STK24: variants seen among roughly 807,000 people sequenced by gnomAD.
STK24 encodes the protein serine/threonine kinase 24.
A neutral mutation model predicts 55.6 loss-of-function variants in STK24; 21 were observed. The ratio of observed to expected loss-of-function variants is 0.38; its 90% CI spans 0.27 to 0.54. The LOEUF is 0.54. Among genes scored for constraint, STK24 ranks in the 20% least tolerant of loss-of-function variants. STK24 has a pLI of 0.79. For synonymous variants in STK24, 200 were observed against 215.2 expected (o/e 0.93, Z 0.62); for missense variants, 383 against 538.4 (o/e 0.71, Z 2.86).
intron 1 of STK24, among the ~76,000 whole-genome samples, chr13:98,574,802 G>A (rs985522216): frequency 1.3e-5 from 2 of 152,014 alleles, no homozygotes; most frequent in Non-Finnish European, 2.9e-5. Context: ...AAGTTATTAA[G>A]GAAATGTATC....
chr13:98,478,113 T>G (rs1219533510), intron 3 of STK24, among the ~76,000 whole-genome samples: 1 of 152,188 alleles, frequency 6.6e-6, no homozygotes, highest in Non-Finnish European at 1.5e-5. Flanking sequence ...CCAGAGTGCC[T>G]CATGAGCAGC....
At chr13:98,518,221 A>T (rs1896135062) in intron 2 of STK24, among the ~76,000 whole-genome samples, 1 of 152,216 alleles carries the variant, frequency 6.6e-6, no homozygotes, top group Admixed American at 6.5e-5. Flanking sequence ...CATTTTAGTT[A>T]ATCAATGGTT....
chr13:98,465,134 G>A (rs1031392097), intron 6 of STK24, among the ~76,000 whole-genome samples: 2 of 152,188 alleles, frequency 1.3e-5, no homozygotes, highest in Non-Finnish European at 2.9e-5. Flanking sequence ...TGGCCCAAAT[G>A]GGAACAGACA....
chr13:98,470,102 A>G (rs1375530678), intron 5 of STK24, among the ~76,000 whole-genome samples: 1 of 152,206 alleles, frequency 6.6e-6, no homozygotes, highest in Non-Finnish European at 1.5e-5. Flanking sequence ...AATATAATTG[A>G]GTTTGTCTAT....
chr13:98,561,736 G>A (rs188777323), intron 1 of STK24, among the ~76,000 whole-genome samples: 1 of 151,958 alleles, frequency 6.6e-6, no homozygotes, highest in East Asian at 1.9e-4. Context: ...TAGCACTTTG[G>A]GGGAGGCAGG....
chr13:98,460,518 G>T, intron 8 of STK24, 78 bp from the exon 9 acceptor site: 1 of 1,236,638 alleles, frequency 8.1e-7, no homozygotes, highest in Non-Finnish European at 1.2e-6. Flanking sequence ...CCTCCCACCT[G>T]GACTATGGAA....
At chr13:98,476,842 C>T (rs1894396642) in intron 3 of STK24, among the ~76,000 whole-genome samples, 1 of 152,280 alleles carries the variant, frequency 6.6e-6, no homozygotes. Flanking sequence ...TCCTCACACA[C>T]TGGCCTCGCT....
rs1374221248 is a variant in STK24 at position 98,555,517 on chromosome 13, T to C, written c.42+21228A>G. Among the ~76,000 whole-genome samples the C allele has an allele frequency of 2.6e-5, 4 of 151,078 alleles. No homozygotes were observed. In the East Asian group the frequency reaches 8.0e-4, roughly 30 times the overall value. ...CGGCATGAACCCGGGAGGCGGAGCTTGCAGTGAGCCGAGATCGCACCACTG... is the reference window on the plus strand; with the variant it reads ...CGGCATGAACCCGGGAGGCGGAGCTCGCAGTGAGCCGAGATCGCACCACTG... On this transcript the variant is annotated intron_variant, in intron 1 of 10. Transcript: ENST00000539966.
At chr13:98,504,460 T>C (rs1183684098) in intron 2 of STK24, among the ~76,000 whole-genome samples, 2 of 152,220 alleles carry the variant, frequency 1.3e-5, no homozygotes, top group South Asian at 2.1e-4. Flanking sequence ...TCTCAAACAC[T>C]AGCACGAGAC....
intron 1 of STK24, among the ~76,000 whole-genome samples, chr13:98,565,741 C>G (rs1897550362): frequency 5.9e-5 from 9 of 152,116 alleles, no homozygotes; most frequent in Admixed American, 5.9e-4. Context: ...TGAACAGGAG[C>G]CAGTCAGCAG....
At chr13:98,531,038 A>C (rs1348637503) in intron 1 of STK24, among the ~76,000 whole-genome samples, 1 of 152,220 alleles carries the variant, frequency 6.6e-6, no homozygotes, top group Non-Finnish European at 1.5e-5. Context: ...TCCCCTAAGT[A>C]AGAAATCCTA....
At chr13:98,526,950 C>T (rs1896446929) in intron 1 of STK24, among the ~76,000 whole-genome samples, 1 of 152,206 alleles carries the variant, frequency 6.6e-6, no homozygotes, top group Admixed American at 6.5e-5. Context: ...CTGATACCGA[C>T]CCCATGTGAG....
At position 98,448,172 on chromosome 13, in the gene STK24, C is replaced by A; in HGVS notation, c.*5001G>T. On this transcript the variant is annotated 3_prime_UTR_variant, in exon 11 of 11. Coordinates refer to ENST00000539966, the MANE Select transcript of STK24 (RefSeq NM_001032296.4). ...TCACCTTGTGTTTCTGTAAGCGATG[C>A]CCACCAAAGTGTCAGGAGTCCGTCC... The A allele has an allele frequency of 7.3e-7, 1 of 1,361,404 alleles. No individual in the cohort carries two copies. Among genetic ancestry groups the A allele is most frequent in the Non-Finnish European group, 1.1e-6 (1 of 952,226 alleles). The allele number at this position is 1,361,404 out of a possible 1,614,324, so 84.3% of individuals were successfully genotyped here. A position where few individuals can be genotyped will look rare whatever the true frequency, so the allele number is the denominator to read the frequency against.
chr13:98,527,792 C>T (rs1360920345), intron 1 of STK24, among the ~76,000 whole-genome samples: 3 of 152,130 alleles, frequency 2.0e-5, no homozygotes, highest in African/African-American at 7.2e-5. Context: ...CCAGCGGCCA[C>T]GGGAGACCAG....
chr13:98,525,661 G>A (rs1420658687), intron 1 of STK24, among the ~76,000 whole-genome samples: 1 of 152,196 alleles, frequency 6.6e-6, no homozygotes, highest in Non-Finnish European at 1.5e-5. Context: ...GAAGCACAAG[G>A]GAGTGACTTC....
chr13:98,514,944 A>C (rs1896003989), intron 2 of STK24, among the ~76,000 whole-genome samples: 1 of 152,096 alleles, frequency 6.6e-6, no homozygotes, highest in African/African-American at 2.4e-5. Flanking sequence ...GTAATCATGG[A>C]AGTATATCTG....
rs552482102 is a variant in STK24, at chr13:98,541,838, C to G, written c.43-22365G>C. On this transcript the variant is annotated intron_variant, in intron 1 of 10. Coordinates refer to ENST00000539966, the MANE Select transcript of STK24 (RefSeq NM_001032296.4). ...ACAGCACGCACTGGTATTACTGAAG[C>G]CCGGGGGTTAGCAGGGTGTATCACA... Among the ~76,000 whole-genome samples, 198 of 152,300 alleles carry G rather than the reference C, an allele frequency of 1.3e-3. 3 individuals carry two copies. In the South Asian group the frequency reaches 0.016, roughly 12 times the overall value.
At chr13:98,576,618 C>G (rs187175889) in intron 1 of STK24, 127 bp downstream of exon 1, 1 of 712,646 alleles carries the variant, frequency 1.4e-6, no homozygotes, top group African/African-American at 2.0e-5. Context: ...CCGAGCCGGG[C>G]GCGCGGGGAG....
At chr13:98,561,902 G>A (rs552656107) in intron 1 of STK24, among the ~76,000 whole-genome samples, 3 of 150,048 alleles carry the variant, frequency 2.0e-5, no homozygotes, top group African/African-American at 4.9e-5. Context: ...GCTTGAACCC[G>A]GGAGGTGGAG....
Sources: allele counts gnomAD v4.1 joint callset (sites outside exome capture counted in the v4.1 genomes callset), GRCh38; gene constraint gnomAD v4.1.1; transcripts MANE v1.5; gene names NCBI Gene and HGNC (gene_info 2026-07-23, HGNC 2026-07-21).